Variants in ASTN2 observed in about 807,000 individuals in gnomAD.
The protein encoded by ASTN2 is astrotactin-2.
A neutral mutation model predicts 139.8 loss-of-function variants in ASTN2; 54 were observed. The ratio of observed to expected loss-of-function variants is 0.39; its 90% confidence interval spans 0.31 to 0.48. The LOEUF (loss-of-function observed/expected upper bound fraction) is 0.48, where lower values mean the gene tolerates loss of function less well. Among genes scored for constraint, ASTN2 ranks in the 20% least tolerant of loss-of-function variants. The probability of loss-of-function intolerance (pLI) is 0.95; values close to 1 mark genes in which losing one functional copy is unlikely to be tolerated. For synonymous variants in ASTN2, 756 were observed against 719.5 expected (o/e 1.05, Z -0.81); for missense variants, 1,565 against 1,725.1 (o/e 0.91, Z 1.64).
chr9:116,919,526 G>A (rs1005052940), intron 10 of ASTN2, among the ~76,000 whole-genome samples: 2 of 151,856 alleles, frequency 1.3e-5, no homozygotes, highest in Non-Finnish European at 2.9e-5. Context: ...TTAACTCCCT[G>A]AGTTTCATGG....
At chr9:116,716,959 T>G (rs1293372104) in intron 16 of ASTN2, among the ~76,000 whole-genome samples, 2 of 152,142 alleles carry the variant, frequency 1.3e-5, no homozygotes, top group Non-Finnish European at 2.9e-5. Context: ...ATCTAAAGAG[T>G]TCTCTGAGGC....
chr9:117,181,178 C>A, intron 3 of ASTN2: 4 of 680,802 alleles, frequency 5.9e-6, no homozygotes, highest in Non-Finnish European at 1.1e-5. Flanking sequence ...GGAAAGGAAC[C>A]CAGTTGGCTT....
At chr9:117,330,195 C>T (rs562189835) in intron 1 of ASTN2, among the ~76,000 whole-genome samples, 28 of 152,206 alleles carry the variant, frequency 1.8e-4, no homozygotes, top group African/African-American at 6.5e-4. Flanking sequence ...CCCATTATAC[C>T]CTCCCACCAG....
intron 1 of ASTN2, among the ~76,000 whole-genome samples, chr9:117,413,948 G>T (rs999548226): frequency 1.3e-5 from 2 of 152,196 alleles, no homozygotes; most frequent in African/African-American, 4.8e-5. Context: ...GAAGCGACTT[G>T]GCCAAGGTCA....
chr9:117,319,901 A>G (rs575155010), intron 1 of ASTN2, among the ~76,000 whole-genome samples: 1 of 152,174 alleles, frequency 6.6e-6, no homozygotes, highest in Non-Finnish European at 1.5e-5. Flanking sequence ...CCCAGTTCCC[A>G]ACCCCTTAAT....
At chr9:116,981,088 T>C (rs1041099710) in intron 7 of ASTN2, among the ~76,000 whole-genome samples, 1 of 152,166 alleles carries the variant, frequency 6.6e-6, no homozygotes, top group Non-Finnish European at 1.5e-5. Context: ...AAATGCTAAA[T>C]AGATGAAGGG....
chr9:116,765,795 G>T (rs573227628), intron 13 of ASTN2, among the ~76,000 whole-genome samples: 1 of 152,114 alleles, frequency 6.6e-6, no homozygotes, highest in Non-Finnish European at 1.5e-5. Flanking sequence ...TATATAACAT[G>T]TGACTGAAAG....
intron 7 of ASTN2, among the ~76,000 whole-genome samples, chr9:117,001,498 C>G (rs1376692145): frequency 6.6e-6 from 1 of 151,988 alleles, no homozygotes; most frequent in African/African-American, 2.4e-5. Context: ...TTTTAATGAC[C>G]TCTCTTCATA....
intron 19 of ASTN2, among the ~76,000 whole-genome samples, chr9:116,502,730 GGAATGAATGAATGAAT>G (rs141207691): frequency 0.02 from 414 of 21,224 alleles, 22 homozygotes; most frequent in African/African-American, 0.045. Context: ...AAGGAAGGAA[GGAATGAATGAATGAAT>G]GAGGGAAGGA....
At chr9:116,592,981 TA>T (rs753780235) in intron 19 of ASTN2, among the ~76,000 whole-genome samples, 6 of 152,214 alleles carry the variant, frequency 3.9e-5, no homozygotes, top group Admixed American at 6.5e-5. Context: ...AGGCAATGAT[TA>T]ACATTAATAT....
At chr9:116,764,172 T>C (rs1275328504) in intron 13 of ASTN2, among the ~76,000 whole-genome samples, 2 of 152,196 alleles carry the variant, frequency 1.3e-5, no homozygotes, top group African/African-American at 4.8e-5. Context: ...CAGGTTCCCT[T>C]CAAGCGGGGA....
At chr9:116,716,770 C>G (rs1484753644) in intron 16 of ASTN2, among the ~76,000 whole-genome samples, 1 of 152,124 alleles carries the variant, frequency 6.6e-6, no homozygotes, top group Non-Finnish European at 1.5e-5. Context: ...TATAATGCAG[C>G]CCTGAAGCTA....
rs116335614 is a variant in ASTN2 at position 117,188,039 on chromosome 9, G to A, written c.1015+26319C>T. Among the ~76,000 whole-genome samples, 1,446 of 152,052 alleles carry A rather than the reference G, an allele frequency of 9.5e-3. 23 individuals are homozygous for A. Among genetic ancestry groups the A allele is most frequent in the African/African-American group, 0.033 (1,386 of 41,448 alleles). On this transcript the variant is annotated intron_variant, in intron 3 of 22. Coordinates refer to ENST00000313400, the MANE Select transcript of ASTN2 (RefSeq NM_001365068.1). ...TAATTATTTGCTGGGGTTGGGGGGCGGTCCTGTGCATTGTAGAATGTTAAG... is the reference window on the plus strand; with the variant it reads ...TAATTATTTGCTGGGGTTGGGGGGCAGTCCTGTGCATTGTAGAATGTTAAG...
chr9:116,965,396 CAT>C (rs1835986051), intron 10 of ASTN2, among the ~76,000 whole-genome samples: 1 of 152,170 alleles, frequency 6.6e-6, no homozygotes, highest in Admixed American at 6.5e-5. Flanking sequence ...GGACTCCTAA[CAT>C]GTGACAGACT....
chr9:117,000,564 G>T (rs758526568), intron 7 of ASTN2, among the ~76,000 whole-genome samples: 12 of 152,206 alleles, frequency 7.9e-5, no homozygotes, highest in South Asian at 2.1e-4. Flanking sequence ...AAAGCCTAAT[G>T]ATTTAAACTG....
chr9:116,889,018 G>T (rs1833691222), intron 10 of ASTN2, among the ~76,000 whole-genome samples: 1 of 152,114 alleles, frequency 6.6e-6, no homozygotes, highest in Admixed American at 6.5e-5. Context: ...TCCCTGAAAA[G>T]GATTTAGTCT....
At chr9:116,458,302 T>G (rs1848390857) in intron 20 of ASTN2, among the ~76,000 whole-genome samples, 2 of 151,890 alleles carry the variant, frequency 1.3e-5, no homozygotes. Flanking sequence ...TAGTATTTGA[T>G]AGCAAAAGAG....
At chr9:117,254,263 G>A (rs1833621907) in intron 2 of ASTN2, among the ~76,000 whole-genome samples, 1 of 152,116 alleles carries the variant, frequency 6.6e-6, no homozygotes, top group Admixed American at 6.5e-5. Flanking sequence ...AATGATAAAG[G>A]CTATCATTTA....
chr9:117,010,642 T>C (rs983169382), intron 6 of ASTN2, among the ~76,000 whole-genome samples: 4 of 152,046 alleles, frequency 2.6e-5, no homozygotes, highest in Admixed American at 2.6e-4. Context: ...CATAAGACAA[T>C]GCATTTGTCT....
Sources: allele counts gnomAD v4.1 joint callset (sites outside exome capture counted in the v4.1 genomes callset), GRCh38; gene constraint gnomAD v4.1.1; transcripts MANE v1.5; gene names NCBI Gene and HGNC (gene_info 2026-07-23, HGNC 2026-07-21).